Variants in SUCLG2 observed in about 807,000 individuals in gnomAD.
The protein encoded by SUCLG2 is succinate--CoA ligase [GDP-forming] subunit beta, mitochondrial.
Under a neutral mutation model 47.9 loss-of-function variants are expected in SUCLG2, and 42 were observed. The ratio of observed to expected loss-of-function variants is 0.88; its 90% confidence interval spans 0.69 to 1.14. The LOEUF (loss-of-function observed/expected upper bound fraction) is 1.14. Among genes scored for constraint, SUCLG2 ranks in the 50% most tolerant of loss-of-function variants. The pLI is 0.00. For synonymous variants in SUCLG2, 195 were observed against 197.3 expected (o/e 0.99, Z 0.10); for missense variants, 571 against 525.9 (o/e 1.09, Z -0.84).
chr3:67,609,735 A>C (rs200848660), intron 1 of SUCLG2, 139 bp from the exon 2 acceptor site: 2 of 655,870 alleles, frequency 3.0e-6, no homozygotes, highest in South Asian at 2.6e-5. Flanking sequence ...GAAAAAAAAA[A>C]CCCACTTAAA....
intron 9 of SUCLG2, among the ~76,000 whole-genome samples, chr3:67,465,977 A>G (rs1318846176): frequency 2.0e-5 from 3 of 152,144 alleles, no homozygotes; most frequent in African/African-American, 7.2e-5. Flanking sequence ...CCCAGCTGTA[A>G]GAATTCCCAT....
chr3:67,491,673 A>C (rs976568974), intron 9 of SUCLG2, among the ~76,000 whole-genome samples: 2 of 152,082 alleles, frequency 1.3e-5, no homozygotes, highest in Non-Finnish European at 2.9e-5. Context: ...CTATTTCTTG[A>C]TCTGGCTGGA....
intron 1 of SUCLG2, among the ~76,000 whole-genome samples, chr3:67,613,460 T>G (rs1179297719): frequency 2.0e-5 from 3 of 152,326 alleles, no homozygotes; most frequent in East Asian, 3.9e-4. Context: ...GTACATATGT[T>G]GTGTGACACA....
intron 9 of SUCLG2, among the ~76,000 whole-genome samples, chr3:67,433,003 T>C (rs1023914993): frequency 6.6e-6 from 1 of 152,182 alleles, no homozygotes; most frequent in Non-Finnish European, 1.5e-5. Context: ...ATCCTCTGAA[T>C]AGGTAAGAAA....
intron 1 of SUCLG2, among the ~76,000 whole-genome samples, chr3:67,636,980 T>G (rs971649349): frequency 1.3e-5 from 2 of 152,052 alleles, no homozygotes; most frequent in East Asian, 3.9e-4. Flanking sequence ...CCTCAAGGCT[T>G]TGTCATGGTA....
chr3:67,534,096 G>T (rs1296768221), intron 2 of SUCLG2, among the ~76,000 whole-genome samples: 1 of 152,098 alleles, frequency 6.6e-6, no homozygotes, highest in Admixed American at 6.5e-5. Context: ...GACAGAAATA[G>T]AACCATCTCC....
At chr3:67,619,511 G>T (rs1243548288) in intron 1 of SUCLG2, among the ~76,000 whole-genome samples, 1 of 152,158 alleles carries the variant, frequency 6.6e-6, no homozygotes, top group South Asian at 2.1e-4. Context: ...GAAGCAGGAG[G>T]CTCTGGTTTA....
chr3:67,604,062 A>C (rs1273922694), intron 2 of SUCLG2, among the ~76,000 whole-genome samples: 1 of 152,228 alleles, frequency 6.6e-6, no homozygotes, highest in African/African-American at 2.4e-5. Flanking sequence ...AACTTAATTC[A>C]AACAAATTTG....
intron 2 of SUCLG2, among the ~76,000 whole-genome samples, chr3:67,534,754 C>A (rs1291268402): frequency 1.6e-5 from 2 of 124,996 alleles, no homozygotes; most frequent in African/African-American, 3.3e-5. Flanking sequence ...GACAGAACTC[C>A]CTAACACTGA....
chr3:67,413,615 T>C (rs1299498818), intron 9 of SUCLG2, among the ~76,000 whole-genome samples: 2 of 152,106 alleles, frequency 1.3e-5, no homozygotes, highest in Non-Finnish European at 2.9e-5. Flanking sequence ...CCAAAAAATA[T>C]ACCCAAAGGG....
rs769294683 is a variant in SUCLG2 at position 67,508,882 on chromosome 3, G to A, written c.682C>T (p.Leu228=). 6.2e-7 allele frequency: 1 copy of A among 1,610,058 alleles called. No homozygotes were observed. Among genetic ancestry groups the A allele is most frequent in the South Asian group, 1.1e-5 (1 of 89,816 alleles). ...KSQAADQITK[L]YNLFLKIDAT... ...TCAATTTTCAGGAAGAGATTATACA[G>A]CTTCGTAATTTGATCTGCAGCCTAA... is the stretch of plus-strand genomic sequence containing the variant. Residue 228 remains leucine (L), a synonymous_variant, in exon 7 of 11, where the codon CTG becomes TTG. Coordinates refer to ENST00000307227, the MANE Select transcript of SUCLG2 (RefSeq NM_003848.4).
intron 2 of SUCLG2, among the ~76,000 whole-genome samples, chr3:67,560,533 A>T (rs141035640): frequency 1.3e-5 from 2 of 152,204 alleles, no homozygotes; most frequent in Non-Finnish European, 2.9e-5. Context: ...TCCTCTCTCA[A>T]CCAGGAAGGT....
At chr3:67,360,814 T>G in intron 10 of SUCLG2, 1 of 1,430,026 alleles carries the variant, frequency 7.0e-7, no homozygotes, top group Non-Finnish European at 9.3e-7. Context: ...TCTTGCAATA[T>G]ATTTAGATGA....
chr3:67,534,142 C>T (rs1706474805), intron 2 of SUCLG2, among the ~76,000 whole-genome samples: 1 of 151,978 alleles, frequency 6.6e-6, no homozygotes, highest in Non-Finnish European at 1.5e-5. Flanking sequence ...AGGAAGTTAT[C>T]CAGGGAGATA....
chr3:67,537,890 T>A (rs1456682081), intron 2 of SUCLG2, among the ~76,000 whole-genome samples: 1 of 152,248 alleles, frequency 6.6e-6, no homozygotes, highest in Admixed American at 6.5e-5. Flanking sequence ...TCTGTTCATA[T>A]CCTTCACCCA....
In SUCLG2 at chr3:67,375,495, C is replaced by T. The variant is rs1575654721; in HGVS notation, c.*249G>A. 1 of 1,185,958 alleles carries T rather than the reference C, an allele frequency of 8.4e-7. No homozygotes were observed. Among genetic ancestry groups the T allele is most frequent in the Non-Finnish European group, 1.0e-6 (1 of 955,368 alleles). The allele number at this position is 1,185,958 out of a possible 1,614,324, so 73.5% of individuals were successfully genotyped here. On this transcript the variant is annotated 3_prime_UTR_variant, in exon 11 of 11. Transcript: ENST00000307227. Reference sequence around the variant, plus strand: ...ACTCCCCAAAGTCTGCAAAACACTGCCTACTGGGCAGGCTTACAGTGACAG... The same window carrying T: ...ACTCCCCAAAGTCTGCAAAACACTGTCTACTGGGCAGGCTTACAGTGACAG...
intron 7 of SUCLG2, among the ~76,000 whole-genome samples, chr3:67,508,378 A>T (rs1705695694): frequency 6.6e-6 from 1 of 152,218 alleles, no homozygotes; most frequent in South Asian, 2.1e-4. Context: ...GGGCCTAAAA[A>T]AATAAGGTGG....
intron 7 of SUCLG2, among the ~76,000 whole-genome samples, chr3:67,508,516 C>T (rs7623441): frequency 0.14 from 20,703 of 151,976 alleles, 2,281 homozygotes; most frequent in African/African-American, 0.29. Context: ...GTGATCCTCC[C>T]GCCTTGTCCT....
chr3:67,513,046 A>G (rs1705841940), intron 6 of SUCLG2, among the ~76,000 whole-genome samples: 1 of 150,954 alleles, frequency 6.6e-6, no homozygotes, highest in Non-Finnish European at 1.5e-5. Flanking sequence ...ATACATACAT[A>G]AAATAAAAGA....
Sources: gnomAD v4.1 joint callset for allele counts (sites outside exome capture counted in the v4.1 genomes callset) on GRCh38, gnomAD v4.1.1 for gene constraint, MANE v1.5 for transcripts, NCBI Gene and HGNC (gene_info 2026-07-23, HGNC 2026-07-21) for gene names.